The following SLC8A1 variants were observed in gnomAD, a reference collection of about 807,000 sequenced individuals.
SLC8A1 encodes the protein solute carrier family 8 member A1, also known as sodium/calcium exchanger 1.
SLC8A1 carries 18 observed loss-of-function variants against 68.3 expected under a neutral mutation model. The observed-to-expected ratio is 0.26, with a 90% CI of 0.18 to 0.39. SLC8A1 has a LOEUF of 0.39. SLC8A1 is among the 10% of genes least tolerant of loss of function. The pLI is 1.00. For missense variants in SLC8A1, 985 were observed against 1,156.7 expected (o/e 0.85, Z 2.15); for synonymous variants, 475 against 415.5 (o/e 1.14, Z -1.74).
At chr2:40,136,768 C>G (rs918722971) in intron 7 of SLC8A1, among the ~76,000 whole-genome samples, 2 of 151,988 alleles carry the variant, frequency 1.3e-5, no homozygotes, top group Non-Finnish European at 2.9e-5. Context: ...TCAGCAGGGT[C>G]AAAAAATAAA....
intron 1 of SLC8A1, among the ~76,000 whole-genome samples, chr2:40,435,091 G>T (rs1402435332): frequency 6.6e-6 from 1 of 152,156 alleles, no homozygotes; most frequent in Non-Finnish European, 1.5e-5. Context: ...ATATTGGACA[G>T]TCATCCTAAT....
At chr2:40,194,070 A>G (rs12476619) in intron 2 of SLC8A1, among the ~76,000 whole-genome samples, 18 of 152,178 alleles carry the variant, frequency 1.2e-4, no homozygotes, top group Admixed American at 1.1e-3. Context: ...GTAGTAAAAT[A>G]CGAATTCTGC....
chr2:40,240,392 C>T (rs952918380), intron 2 of SLC8A1, among the ~76,000 whole-genome samples: 2 of 152,102 alleles, frequency 1.3e-5, no homozygotes, highest in African/African-American at 2.4e-5. Context: ...GGCTTCCTCT[C>T]GGCTGAGCTT....
intron 6 of SLC8A1, among the ~76,000 whole-genome samples, chr2:40,158,327 T>G (rs1024081239): frequency 1.3e-5 from 2 of 152,190 alleles, no homozygotes; most frequent in African/African-American, 4.8e-5. Context: ...AATACTCAAC[T>G]TTTGAAACTG....
intron 1 of SLC8A1, among the ~76,000 whole-genome samples, chr2:40,493,258 C>T (rs1345574295): frequency 6.7e-6 from 1 of 150,084 alleles, no homozygotes; most frequent in African/African-American, 2.5e-5. Flanking sequence ...AAAAACCAAA[C>T]ACCGCATATT....
intron 2 of SLC8A1, among the ~76,000 whole-genome samples, chr2:40,349,033 T>C (rs921151407): frequency 2.6e-5 from 4 of 152,152 alleles, no homozygotes; most frequent in African/African-American, 7.2e-5. Flanking sequence ...AAAATACACA[T>C]AAGCACAAAA....
At chr2:40,159,638 AAAAG>A (rs1234143366) in intron 6 of SLC8A1, among the ~76,000 whole-genome samples, 1 of 152,194 alleles carries the variant, frequency 6.6e-6, no homozygotes, top group East Asian at 1.9e-4. Context: ...CATAAGAAAT[AAAAG>A]AGAGTTTACC....
chr2:40,440,165 C>T (rs898510193), intron 1 of SLC8A1, among the ~76,000 whole-genome samples: 1 of 151,926 alleles, frequency 6.6e-6, no homozygotes, highest in Non-Finnish European at 1.5e-5. Context: ...GTTCTTTAAA[C>T]CAATCTTATA....
At chr2:40,342,886 C>T (rs1668150173) in intron 2 of SLC8A1, among the ~76,000 whole-genome samples, 3 of 152,060 alleles carry the variant, frequency 2.0e-5, no homozygotes, top group Admixed American at 6.6e-5. Context: ...CTGTGTTAAA[C>T]GTACTGATCA....
intron 2 of SLC8A1, among the ~76,000 whole-genome samples, chr2:40,358,745 C>A (rs976734756): frequency 6.6e-5 from 10 of 152,146 alleles, no homozygotes; most frequent in African/African-American, 2.2e-4. Flanking sequence ...AAGAAACAGG[C>A]AAGACTCCTA....
chr2:40,284,469 C>A (rs1242659335), intron 2 of SLC8A1, among the ~76,000 whole-genome samples: 2 of 144,876 alleles, frequency 1.4e-5, no homozygotes, highest in African/African-American at 5.0e-5. Context: ...AGATATATAT[C>A]TATAGATATG....
At position 40,442,894 on chromosome 2, in the gene SLC8A1, T is replaced by C. The variant is rs1396789784; in HGVS notation, c.-25+9010A>G. Reference sequence around the variant, plus strand: ...GAGAGGCTGGATAAAGAAAATTTGGTACATAGACACCATGGAATACTATGC... The same window carrying C: ...GAGAGGCTGGATAAAGAAAATTTGGCACATAGACACCATGGAATACTATGC... On this transcript the variant is annotated intron_variant, in intron 1 of 7. Transcript: ENST00000406785. 2.0e-5 allele frequency among the ~76,000 whole-genome samples: 3 copies of C among 152,086 alleles called. No homozygotes were observed. The East Asian group carries it at 5.8e-4, about 29-fold the overall frequency.
intron 1 of SLC8A1, among the ~76,000 whole-genome samples, chr2:40,459,026 T>C (rs939428065): frequency 6.6e-6 from 1 of 152,150 alleles, no homozygotes; most frequent in African/African-American, 2.4e-5. Context: ...TTTATGGATT[T>C]TTTCAACAAA....
At chr2:40,471,007 C>A (rs1292583807) in intron 1 of SLC8A1, among the ~76,000 whole-genome samples, 1 of 152,164 alleles carries the variant, frequency 6.6e-6, no homozygotes, top group Non-Finnish European at 1.5e-5. Context: ...ATGAGCTCTA[C>A]AACCCAGCTT....
At chr2:40,400,406 T>C (rs1001662758) in intron 2 of SLC8A1, among the ~76,000 whole-genome samples, 1 of 152,222 alleles carries the variant, frequency 6.6e-6, no homozygotes, top group African/African-American at 2.4e-5. Flanking sequence ...CAGACTGGGC[T>C]ATCTGAGAAT....
chr2:40,423,460 T>C (rs116627475), intron 2 of SLC8A1, among the ~76,000 whole-genome samples: 3,370 of 152,140 alleles, frequency 0.022, 57 homozygotes, highest in Middle Eastern at 0.068. Context: ...CACAAATCTG[T>C]AGCTTATTAA....
intron 2 of SLC8A1, among the ~76,000 whole-genome samples, chr2:40,309,460 G>A (rs556648529): frequency 6.6e-6 from 1 of 151,142 alleles, no homozygotes; most frequent in African/African-American, 2.4e-5. Flanking sequence ...AAATGTCTAA[G>A]CAGGTCATAT....
intron 2 of SLC8A1, among the ~76,000 whole-genome samples, chr2:40,230,291 C>T (rs1189743185): frequency 2.0e-5 from 3 of 152,176 alleles, no homozygotes; most frequent in Non-Finnish European, 4.4e-5. Flanking sequence ...CAAATAAAGC[C>T]TGTGACACAT....
At chr2:40,425,684 C>A (rs1218904521) in intron 2 of SLC8A1, among the ~76,000 whole-genome samples, 2 of 151,822 alleles carry the variant, frequency 1.3e-5, no homozygotes, top group African/African-American at 4.8e-5. Context: ...GATATAAATT[C>A]ATTCTTAAAG....
Sources: gnomAD v4.1 joint callset for allele counts (sites outside exome capture counted in the v4.1 genomes callset) on GRCh38, gnomAD v4.1.1 for gene constraint, MANE v1.5 for transcripts, NCBI Gene and HGNC (gene_info 2026-07-23, HGNC 2026-07-21) for gene names.